Variants in TTC7B observed in about 807,000 individuals in gnomAD.
TTC7B encodes tetratricopeptide repeat protein 7B.
TTC7B carries 28 observed loss-of-function variants against 106.8 expected under a neutral mutation model. The ratio of observed to expected loss-of-function variants is 0.26; its 90% CI spans 0.19 to 0.36. The LOEUF is 0.36. TTC7B is among the 10% of genes least tolerant of loss of function. TTC7B has a pLI of 1.00. For missense variants in TTC7B, 862 were observed against 1,076.4 expected, an observed-to-expected ratio of 0.80 and a Z score of 2.79; for synonymous variants, 405 against 430.6, an observed-to-expected ratio of 0.94 and a Z score of 0.74.
At chr14:90,684,717 T>C (rs188794539) in intron 7 of TTC7B, among the ~76,000 whole-genome samples, 3 of 152,176 alleles carry the variant, frequency 2.0e-5, no homozygotes, top group South Asian at 2.1e-4. Flanking sequence ...CTGCCCTGGA[T>C]GGGGGTGGTG....
intron 9 of TTC7B, among the ~76,000 whole-genome samples, chr14:90,664,710 G>A (rs1199172129): frequency 6.6e-6 from 1 of 152,220 alleles, no homozygotes; most frequent in Non-Finnish European, 1.5e-5. Flanking sequence ...CAGGGCGTGA[G>A]GACAAAAAGA....
chr14:90,702,739 A>G (rs1888044382), intron 5 of TTC7B, among the ~76,000 whole-genome samples: 1 of 152,188 alleles, frequency 6.6e-6, no homozygotes, highest in African/African-American at 2.4e-5. Flanking sequence ...CACAATGACA[A>G]AAGACAACCC....
chr14:90,796,142 G>A (rs937673500), intron 1 of TTC7B, among the ~76,000 whole-genome samples: 2 of 152,106 alleles, frequency 1.3e-5, no homozygotes, highest in African/African-American at 2.4e-5. Flanking sequence ...GGGTGACCCC[G>A]GCCCACTTAA....
intron 8 of TTC7B, among the ~76,000 whole-genome samples, chr14:90,677,080 G>A (rs1202344329): frequency 1.3e-5 from 2 of 152,106 alleles, no homozygotes; most frequent in Non-Finnish European, 2.9e-5. Context: ...TTAAAGAGTG[G>A]GAGAAAATTC....
chr14:90,701,796 G>GTGTATATA (rs1484823347), intron 5 of TTC7B, among the ~76,000 whole-genome samples: 1 of 118,918 alleles, frequency 8.4e-6, no homozygotes, highest in Non-Finnish European at 1.9e-5. Context: ...GTGTGTGTGT[G>GTGTATATA]TATATATATA....
rs1001815605 is a variant in TTC7B at position 90,647,212 on chromosome 14, A to G, written c.1518-189T>C. 4.0e-5 allele frequency: 23 copies of G among 579,596 alleles called. No homozygotes were observed. In the Admixed American group the frequency reaches 6.7e-4, roughly 17 times the overall value. 35.9% of individuals were successfully genotyped at this position (579,596 alleles called of 1,614,324 possible). A position where few individuals can be genotyped will look rare whatever the true frequency, so the allele number is the denominator to read the frequency against. Reference sequence around the variant, plus strand: ...TAAACCATTTCCCTCTTACCACTGTATAAAGGTACAGAATAGGAGTGCATT... The same window carrying G: ...TAAACCATTTCCCTCTTACCACTGTGTAAAGGTACAGAATAGGAGTGCATT... On this transcript the variant is annotated intron_variant, in intron 13 of 19. Transcript: ENST00000328459.
In TTC7B at chr14:90,612,713, T is replaced by C. The variant is rs116375750; in HGVS notation, c.1869-1874A>G. Among the ~76,000 whole-genome samples the C allele has an allele frequency of 6.8e-3, 1,042 of 152,298 alleles. 9 individuals are homozygous for C. Among genetic ancestry groups the C allele is most frequent in the African/African-American group, 0.023 (947 of 41,554 alleles). On this transcript the variant is annotated intron_variant, in intron 16 of 19. Transcript: ENST00000328459. ...TACACAGAACTGTGTGAGGATGACATAAGGTCACATAGATGGAGCACTCTG... is the reference window on the plus strand; with the variant it reads ...TACACAGAACTGTGTGAGGATGACACAAGGTCACATAGATGGAGCACTCTG...
intron 3 of TTC7B, among the ~76,000 whole-genome samples, chr14:90,774,270 CAGAG>C (rs994611096): frequency 2.6e-5 from 4 of 152,174 alleles, no homozygotes; most frequent in Admixed American, 6.5e-5. Context: ...GGAGGGGAAA[CAGAG>C]AGGAAGAATC....
chr14:90,690,261 T>C (rs558547742), intron 6 of TTC7B, among the ~76,000 whole-genome samples: 1 of 152,320 alleles, frequency 6.6e-6, no homozygotes, highest in South Asian at 2.1e-4. Flanking sequence ...TCTCAGTGCA[T>C]CCTGGGCTCC....
intron 1 of TTC7B, among the ~76,000 whole-genome samples, chr14:90,809,947 G>A (rs942157089): frequency 6.6e-6 from 1 of 152,204 alleles, no homozygotes; most frequent in African/African-American, 2.4e-5. Flanking sequence ...GCACTAAGAA[G>A]CACTTTTAGG....
intron 5 of TTC7B, among the ~76,000 whole-genome samples, chr14:90,722,366 G>C (rs1278851895): frequency 6.6e-6 from 1 of 152,096 alleles, no homozygotes; most frequent in Non-Finnish European, 1.5e-5. Context: ...CTACTAAAAT[G>C]GGGGACGTGG....
intron 3 of TTC7B, among the ~76,000 whole-genome samples, chr14:90,775,888 C>T (rs1192865661): frequency 6.6e-6 from 1 of 151,998 alleles, no homozygotes; most frequent in Non-Finnish European, 1.5e-5. Context: ...TTCCAGGCCC[C>T]ATTTTTAAAA....
At chr14:90,552,587 T>C (rs919542754) in intron 19 of TTC7B, among the ~76,000 whole-genome samples, 2 of 152,012 alleles carry the variant, frequency 1.3e-5, no homozygotes, top group Non-Finnish European at 2.9e-5. Context: ...CACCTCCAGA[T>C]CCACAAAGGC....
At chr14:90,595,425 T>C (rs1025613343) in intron 17 of TTC7B, among the ~76,000 whole-genome samples, 1 of 152,234 alleles carries the variant, frequency 6.6e-6, no homozygotes, top group African/African-American at 2.4e-5. Context: ...GTGCTAAGAA[T>C]CTATCCTTGT....
At chr14:90,724,786 G>A (rs1311545498) in intron 5 of TTC7B, among the ~76,000 whole-genome samples, 1 of 152,176 alleles carries the variant, frequency 6.6e-6, no homozygotes, top group Non-Finnish European at 1.5e-5. Flanking sequence ...GAGAGAACGG[G>A]CTAACACAGC....
At chr14:90,673,431 A>G (rs1886707629) in intron 9 of TTC7B, among the ~76,000 whole-genome samples, 1 of 152,232 alleles carries the variant, frequency 6.6e-6, no homozygotes, top group South Asian at 2.1e-4. Flanking sequence ...CAAAACAAAA[A>G]GAGAAAAAAG....
At chr14:90,641,365 C>T (rs1350836409) in intron 15 of TTC7B, among the ~76,000 whole-genome samples, 2 of 152,230 alleles carry the variant, frequency 1.3e-5, no homozygotes, top group Non-Finnish European at 2.9e-5. Context: ...GGCCTGACTA[C>T]CCATCAGCTA....
chr14:90,699,081 C>T (rs1438816656), intron 5 of TTC7B: 9 of 438,268 alleles, frequency 2.1e-5, no homozygotes, highest in Non-Finnish European at 4.1e-5. Flanking sequence ...GCGATAGGTT[C>T]CAGTTCCCCC....
rs538812626 is a variant in TTC7B, at chr14:90,734,511, T to C, written c.577-4315A>G. Among the ~76,000 whole-genome samples, 221 of 152,150 alleles carry C rather than the reference T, an allele frequency of 1.5e-3. 1 individual carries two copies. The highest frequency in any genetic ancestry group is 5.2e-3 in the African/African-American group (216 of 41,552). On this transcript the variant is annotated intron_variant, in intron 4 of 19. Coordinates refer to ENST00000328459, the MANE Select transcript of TTC7B (RefSeq NM_001010854.2). ...CTGCAATGAGCTATGATCACTATCA[T>C]GCTTTGAAAAGCATCAACTCTGTTT...
Sources: allele counts gnomAD v4.1 joint callset (sites outside exome capture counted in the v4.1 genomes callset), GRCh38; gene constraint gnomAD v4.1.1; transcripts MANE v1.5; gene names NCBI Gene and HGNC (gene_info 2026-07-23, HGNC 2026-07-21).